AGTPBP1: variants seen among roughly 807,000 people sequenced by gnomAD.
AGTPBP1 encodes the protein cytosolic carboxypeptidase 1.
In AGTPBP1, 70 loss-of-function variants were observed where a neutral mutation model predicts 143.9. The observed-to-expected ratio is 0.49, with a 90% CI of 0.40 to 0.59. The LOEUF (loss-of-function observed/expected upper bound fraction) is 0.59. Ranked by LOEUF, AGTPBP1 falls within the 20% of genes least tolerant of loss-of-function variation. The probability of loss-of-function intolerance (pLI) is 0.00; values close to 1 mark genes in which losing one functional copy is unlikely to be tolerated. For missense variants in AGTPBP1, 1,229 were observed against 1,464.5 expected (o/e 0.84, Z 2.62); for synonymous variants, 463 against 500.2 (o/e 0.93, Z 0.99).
At chr9:85,616,901 T>C (rs10868333) in intron 17 of AGTPBP1, among the ~76,000 whole-genome samples, 32,967 of 151,976 alleles carry the variant, frequency 0.22, 4,513 homozygotes, top group East Asian at 0.52. Context: ...TCAATATACT[T>C]GCTGAACTTT....
intron 2 of AGTPBP1, among the ~76,000 whole-genome samples, chr9:85,696,323 T>A (rs1281242443): frequency 2.0e-5 from 3 of 152,214 alleles, no homozygotes; most frequent in Admixed American, 2.0e-4. Flanking sequence ...AATTTTCTCA[T>A]AAAATCAATG....
intron 17 of AGTPBP1, among the ~76,000 whole-genome samples, chr9:85,608,120 T>C (rs1387263383): frequency 6.6e-6 from 1 of 152,088 alleles, no homozygotes; most frequent in Non-Finnish European, 1.5e-5. Flanking sequence ...AAATTGTTTA[T>C]AAATAGTAAA....
intron 11 of AGTPBP1, among the ~76,000 whole-genome samples, chr9:85,649,377 G>C (rs1366265582): frequency 6.6e-6 from 1 of 152,030 alleles, no homozygotes; most frequent in Non-Finnish European, 1.5e-5. Flanking sequence ...GTTTTTTGTT[G>C]ATACACATAT....
chr9:85,775,256 T>C, the AGTPBP1 span, among the ~76,000 whole-genome samples: 1 of 151,754 alleles, frequency 6.6e-6, no homozygotes, highest in South Asian at 2.1e-4. Flanking sequence ...GTGGCTGTGG[T>C]CACACCACTG....
At chr9:85,689,925 A>ATATAT (rs1554726690) in intron 3 of AGTPBP1, among the ~76,000 whole-genome samples, 31 of 72,454 alleles carry the variant, frequency 4.3e-4, no homozygotes, top group South Asian at 1.6e-3. Flanking sequence ...AAAAAAAAAA[A>ATATAT]ATATATATAT....
At chr9:85,661,290 G>A (rs530216863) in intron 8 of AGTPBP1, among the ~76,000 whole-genome samples, 15 of 152,156 alleles carry the variant, frequency 9.9e-5, no homozygotes, top group Admixed American at 2.0e-4. Flanking sequence ...CTCTGTATCT[G>A]ACCTGAGAGT....
Position 85,586,952 on chromosome 9 carries a change from C to T in AGTPBP1, c.2912G>A (p.Cys971Tyr). The change falls in exon 22 of 26, where the codon TGT becomes TAT. Residue 971 changes from cysteine (C) to tyrosine (Y), a missense_variant. Physicochemically the swap from Cys to Tyr is radical, Grantham distance 194. Transcript: ENST00000357081. ...ATTCAAATCCTCTCCACTTAAAGAA[C>T]AGCGATGACTACATGTACATAAACA... is the stretch of plus-strand genomic sequence containing the variant. ...PDGVINGNHR[C>Y]SLSGEDLNRQ... is the part of the protein sequence containing the mutation. The T allele has an allele frequency of 6.2e-7, 1 of 1,613,790 alleles. No individual in the cohort carries two copies.
At chr9:85,654,250 T>C (rs1225161396) in intron 11 of AGTPBP1, among the ~76,000 whole-genome samples, 2 of 152,156 alleles carry the variant, frequency 1.3e-5, no homozygotes, top group African/African-American at 2.4e-5. Context: ...CTTTCTCTTT[T>C]TCACTTTGGT....
chr9:85,583,954 C>CATACATCTCACTTA (rs1216820562), intron 23 of AGTPBP1, among the ~76,000 whole-genome samples: 1 of 151,244 alleles, frequency 6.6e-6, no homozygotes, highest in Non-Finnish European at 1.5e-5. Flanking sequence ...GATCTGATTT[C>CATACATCTCACTTA]GTTTTGGGGA....
At position 85,589,658 on chromosome 9, in the gene AGTPBP1, T is replaced by C. The variant is rs1828832521; in HGVS notation, c.2592A>G (p.Ser864=). 2 of 1,602,680 alleles carry C rather than the reference T, an allele frequency of 1.2e-6. No individual in the cohort carries two copies. The highest frequency in any genetic ancestry group is 1.7e-6 in the Non-Finnish European group (2 of 1,177,072). ...TLQMHLQKLE[S]AHNPQQIYFR... ...AATAGATTTGCTGAGGATTGTGTGC[T>C]GATTCCAATTTTTGAAGATGCATCT... Residue 864 remains serine (S), a synonymous_variant, in exon 20 of 26, where the codon TCA becomes TCG. Transcript: ENST00000357081.
At chr9:85,548,586 G>A (rs1825853315) in intron 25 of AGTPBP1, among the ~76,000 whole-genome samples, 1 of 151,942 alleles carries the variant, frequency 6.6e-6, no homozygotes, top group Non-Finnish European at 1.5e-5. Context: ...TTTTTAATTT[G>A]CAACTAAAAT....
intron 2 of AGTPBP1, among the ~76,000 whole-genome samples, chr9:85,701,648 G>GT (rs1046891365): frequency 6.6e-5 from 10 of 152,108 alleles, no homozygotes; most frequent in Non-Finnish European, 1.0e-4. Flanking sequence ...GTAAAACACC[G>GT]TAACAGAGAA....
intron 1 of AGTPBP1, among the ~76,000 whole-genome samples, chr9:85,718,660 G>A (rs1246161235): frequency 6.6e-6 from 1 of 152,160 alleles, no homozygotes; most frequent in African/African-American, 2.4e-5. Flanking sequence ...CTGTGCAGAT[G>A]CTCTTTAGTT....
At position 85,666,895 on chromosome 9, in the gene AGTPBP1, T is replaced by G. The variant is rs558172075; in HGVS notation, c.662+2590A>C. ...AATCATTCATACACACACTACTACA[T>G]TGCTTATCTAAACTGTATTACATTA... On this transcript the variant is annotated intron_variant, in intron 8 of 25. Transcript: ENST00000357081. Among the ~76,000 whole-genome samples the G allele has an allele frequency of 2.0e-5, 3 of 152,236 alleles. No individual in the cohort carries two copies. In the South Asian group the frequency reaches 6.2e-4, roughly 32 times the overall value.
chr9:85,761,656 A>G, the AGTPBP1 span, among the ~76,000 whole-genome samples: 1 of 152,222 alleles, frequency 6.6e-6, no homozygotes, highest in Non-Finnish European at 1.5e-5. Context: ...TGTTAGACCT[A>G]AAACCATAAA....
chr9:85,680,405 G>A (rs1408665535), intron 4 of AGTPBP1, among the ~76,000 whole-genome samples: 4 of 152,082 alleles, frequency 2.6e-5, no homozygotes, highest in African/African-American at 4.8e-5. Flanking sequence ...TCAACATGGT[G>A]AAACCCTGTC....
intron 13 of AGTPBP1, among the ~76,000 whole-genome samples, chr9:85,640,700 GA>G (rs1340679617): frequency 4.1e-5 from 6 of 146,106 alleles, no homozygotes; most frequent in Non-Finnish European, 8.9e-5. Context: ...ACTATAATTA[GA>G]AAACAGGGAA....
intron 25 of AGTPBP1, among the ~76,000 whole-genome samples, chr9:85,550,694 T>A (rs1454213576): frequency 1.3e-5 from 2 of 152,122 alleles, no homozygotes; most frequent in African/African-American, 4.8e-5. Flanking sequence ...AAATGTAGCA[T>A]CTGGAAAACT....
intron 2 of AGTPBP1, among the ~76,000 whole-genome samples, chr9:85,704,002 T>G (rs1741584017): frequency 1.3e-5 from 2 of 152,286 alleles, no homozygotes; most frequent in Non-Finnish European, 2.9e-5. Context: ...GCTTAAAAGT[T>G]AAATAAGACA....
Sources: allele counts gnomAD v4.1 joint callset (sites outside exome capture counted in the v4.1 genomes callset), GRCh38; gene constraint gnomAD v4.1.1; transcripts MANE v1.5; gene names NCBI Gene and HGNC (gene_info 2026-07-23, HGNC 2026-07-21).